VWC2: variants seen among roughly 807,000 people sequenced by gnomAD.
VWC2 encodes von Willebrand factor C domain containing 2.
A neutral mutation model predicts 29.8 loss-of-function variants in VWC2; 14 were observed. That is an observed-to-expected ratio of 0.47 (90% CI 0.31 to 0.74). VWC2 has a LOEUF of 0.74. Ranked by LOEUF, VWC2 falls within the 30% of genes least tolerant of loss-of-function variation. The probability of loss-of-function intolerance (pLI) is 0.05; values close to 1 mark genes in which losing one functional copy is unlikely to be tolerated. For missense variants in VWC2, 457 were observed against 459.8 expected, an observed-to-expected ratio of 0.99 and a Z score of 0.05; for synonymous variants, 213 against 199.0, an observed-to-expected ratio of 1.07 and a Z score of -0.59.
At chr7:49,833,796 C>T (rs1237780427) in intron 3 of VWC2, among the ~76,000 whole-genome samples, 1 of 152,040 alleles carries the variant, frequency 6.6e-6, no homozygotes. Context: ...AGAGTTGACC[C>T]CAAGTTCCTG....
intron 3 of VWC2, among the ~76,000 whole-genome samples, chr7:49,896,479 A>G (rs1792388662): frequency 6.6e-6 from 1 of 152,200 alleles, no homozygotes; most frequent in Non-Finnish European, 1.5e-5. Flanking sequence ...CTACTTGAAG[A>G]AACTTGAAAA....
At chr7:49,824,562 A>G (rs746995022) in intron 3 of VWC2, among the ~76,000 whole-genome samples, 3 of 152,274 alleles carry the variant, frequency 2.0e-5, no homozygotes, top group Admixed American at 1.3e-4. Flanking sequence ...AGCATATTTT[A>G]AATTTAGCTT....
intron 3 of VWC2, among the ~76,000 whole-genome samples, chr7:49,902,082 T>C (rs939961406): frequency 2.0e-5 from 3 of 151,918 alleles, no homozygotes; most frequent in Non-Finnish European, 4.4e-5. Flanking sequence ...ACCATAAAAG[T>C]CGTAGAAGAT....
chr7:49,780,178 G>C (rs1365980903), intron 2 of VWC2, among the ~76,000 whole-genome samples: 1 of 152,206 alleles, frequency 6.6e-6, no homozygotes, highest in Non-Finnish European at 1.5e-5. Context: ...GGAGTGAGTG[G>C]TGATGAAGTG....
chr7:49,843,311 C>T (rs1460319010), intron 3 of VWC2, among the ~76,000 whole-genome samples: 2 of 152,118 alleles, frequency 1.3e-5, no homozygotes, highest in Non-Finnish European at 2.9e-5. Flanking sequence ...CTGATGGCTC[C>T]AGGAACATAA....
At chr7:49,901,270 TA>T (rs959102503) in intron 3 of VWC2, 1 of 151,602 alleles carries the variant, frequency 6.6e-6, no homozygotes, top group African/African-American at 2.4e-5. Flanking sequence ...AAAGAAGAAA[TA>T]AAACTGTCTT....
At chr7:49,897,085 C>T (rs1292251998) in intron 3 of VWC2, among the ~76,000 whole-genome samples, 2 of 151,526 alleles carry the variant, frequency 1.3e-5, no homozygotes, top group East Asian at 1.9e-4. Flanking sequence ...TTAGTAGAGA[C>T]GGGGTTTCAC....
chr7:49,862,133 TTG>T (rs1247487235), intron 3 of VWC2, among the ~76,000 whole-genome samples: 2 of 152,340 alleles, frequency 1.3e-5, no homozygotes, highest in African/African-American at 2.4e-5. Context: ...TTTCATTTAT[TTG>T]TGTTTTCTTT....
rs1388174350 is a variant in VWC2 at position 49,775,387 on chromosome 7, C to A, written c.-49C>A. Reference sequence around the variant, plus strand: ...GCCCCCGGGCTGTGAATGCGACTCGCCCCTCGGCCGCGCTCCCCGCCCGCC... The same window carrying A: ...GCCCCCGGGCTGTGAATGCGACTCGACCCTCGGCCGCGCTCCCCGCCCGCC... On this transcript the variant is annotated 5_prime_UTR_variant, in exon 2 of 4. Transcript: ENST00000340652. 6 of 1,328,138 alleles carry A rather than the reference C, an allele frequency of 4.5e-6. No homozygotes were observed. In the Admixed American group the frequency reaches 1.2e-4, roughly 27 times the overall value. 82.3% of individuals were successfully genotyped at this position (1,328,138 alleles called of 1,614,324 possible).
At chr7:49,812,194 T>G (rs893372171) in intron 3 of VWC2, among the ~76,000 whole-genome samples, 1 of 152,206 alleles carries the variant, frequency 6.6e-6, no homozygotes, top group East Asian at 1.9e-4. Context: ...AGGGAATTTA[T>G]TGAGGTGATG....
In VWC2 at chr7:49,876,542, A is replaced by G. The variant is rs551357440; in HGVS notation, c.827-35492A>G. 4.6e-5 allele frequency among the ~76,000 whole-genome samples: 7 copies of G among 152,318 alleles called. No individual in the cohort carries two copies. The East Asian group carries it at 1.3e-3, about 29-fold the overall frequency. ...TATTCAGGGATATGCTGCTGACATG[A>G]TTCATATTTAATTTAGTACTTCAAT... On this transcript the variant is annotated intron_variant, in intron 3 of 3. Coordinates refer to ENST00000340652, the MANE Select transcript of VWC2 (RefSeq NM_198570.5).
rs1295509227 is a variant in VWC2, at chr7:49,775,755, G to A, written c.320G>A (p.Gly107Glu). 3.3e-6 allele frequency: 5 copies of A among 1,512,910 alleles called. No individual in the cohort carries two copies. The highest frequency in any genetic ancestry group is 4.4e-6 in the Non-Finnish European group (5 of 1,133,356). The allele number at this position is 1,512,910 out of a possible 1,614,324, so 93.7% of individuals were successfully genotyped here. The stretch of plus-strand genomic sequence containing the variant: ...TCCCAGGGCGGGGGCGCCAAGGCCG[G>A]GGATCTGCAGGTCCGGCCCCGCGGG... ...WVSQGGGAKA[G>E]DLQVRPRGDT... The change falls in exon 2 of 4, where the codon GGG becomes GAG. Residue 107 changes from glycine (G) to glutamate (E), a missense_variant. This residue lies in a region of VWC2 where 272 missense variants were observed against 202.7 expected (regional missense o/e 1.34). Transcript: ENST00000340652.
intron 2 of VWC2, among the ~76,000 whole-genome samples, chr7:49,789,106 G>C (rs1249532996): frequency 1.5e-5 from 2 of 133,412 alleles, no homozygotes; most frequent in South Asian, 4.4e-4. Context: ...GTGAGAGAGA[G>C]ATTGAGAGAG....
At position 49,823,505 on chromosome 7, in the gene VWC2, G is replaced by A. The variant is rs186844516; in HGVS notation, c.826+20665G>A. ...AGCGGGGTGGGGTGAGCTTGGTGGA[G>A]CTAGCTGGGATCCCTGGACATTGGG... On this transcript the variant is annotated intron_variant, in intron 3 of 3. Coordinates refer to ENST00000340652, the MANE Select transcript of VWC2 (RefSeq NM_198570.5). Among the ~76,000 whole-genome samples, 119 of 152,302 alleles carry A rather than the reference G, an allele frequency of 7.8e-4. 1 individual carries two copies. The highest frequency in any genetic ancestry group is 2.3e-3 in the Admixed American group (35 of 15,298).
chr7:49,816,047 T>C lies in VWC2; in HGVS notation c.826+13207T>C, dbSNP rs151003422. ...ATGGGAGAAGAAGAGAAGGAGTGTG[T>C]GGGTTGTGGGCACAGCATATGTCCA... On this transcript the variant is annotated intron_variant, in intron 3 of 3. Transcript: ENST00000340652. Among the ~76,000 whole-genome samples, 510 of 151,996 alleles carry C rather than the reference T, an allele frequency of 3.4e-3. 4 individuals carry two copies. The highest frequency in any genetic ancestry group is 0.02 in the Middle Eastern group (6 of 294).
intron 2 of VWC2, among the ~76,000 whole-genome samples, chr7:49,781,728 G>T (rs577397): frequency 6.6e-6 from 1 of 151,958 alleles, no homozygotes; most frequent in African/African-American, 2.4e-5. Context: ...AGCCCAGAGT[G>T]CCTTGCTTAT....
chr7:49,789,196 T>G (rs1583627543), intron 2 of VWC2, among the ~76,000 whole-genome samples: 1 of 146,564 alleles, frequency 6.8e-6, no homozygotes, highest in Non-Finnish European at 1.5e-5. Flanking sequence ...GGTGCATGTG[T>G]GAGTGTGGGT....
intron 2 of VWC2, among the ~76,000 whole-genome samples, chr7:49,783,901 A>C (rs928762326): frequency 1.3e-5 from 2 of 151,756 alleles, no homozygotes; most frequent in Non-Finnish European, 2.9e-5. Flanking sequence ...AATAATAATA[A>C]TAAAATAAAA....
At chr7:49,780,966 A>C (rs1029731156) in intron 2 of VWC2, among the ~76,000 whole-genome samples, 1 of 152,228 alleles carries the variant, frequency 6.6e-6, no homozygotes, top group Non-Finnish European at 1.5e-5. Context: ...ATAGATCTCT[A>C]TATCAATTAT....
Sources: allele counts gnomAD v4.1 joint callset (sites outside exome capture counted in the v4.1 genomes callset), GRCh38; gene constraint gnomAD v4.1.1; regional missense constraint gnomAD v4.1.1; transcripts MANE v1.5; gene names NCBI Gene and HGNC (gene_info 2026-07-23, HGNC 2026-07-21).